The following DAP3 variants were observed in gnomAD, a reference collection of about 807,000 sequenced individuals.
DAP3 encodes the protein small ribosomal subunit protein mS29.
A neutral mutation model predicts 51.9 loss-of-function variants in DAP3; 28 were observed. That is an observed-to-expected ratio of 0.54 (90% CI 0.40 to 0.74). The LOEUF is 0.74. Ranked by LOEUF, DAP3 falls within the 30% of genes least tolerant of loss-of-function variation. DAP3 has a pLI of 0.00. For synonymous variants in DAP3, 170 were observed against 170.3 expected (o/e 1.00, Z 0.01); for missense variants, 458 against 483.5 (o/e 0.95, Z 0.49).
At chr1:155,736,869 A>G in intron 11 of DAP3, 77 bp from the exon 12 acceptor site, 1 of 1,170,368 alleles carries the variant, frequency 8.5e-7, no homozygotes, top group Non-Finnish European at 1.3e-6. Context: ...CTTACCTTCA[A>G]AGTGCTTAAG....
chr1:155,725,958 T>C lies in DAP3; in HGVS notation c.411T>C (p.Ser137=). ...AGAAGGGAACAGGAAAAACCCTAAG[T>C]CTTTGCCATGTTATTCATTTCTGTG... ...YGEKGTGKTL[S]LCHVIHFCAK... is the part of the protein sequence containing the mutation. Residue 137 remains serine, a synonymous_variant, in exon 6 of 13, where the codon AGT becomes AGC. Coordinates refer to ENST00000368336, the MANE Select transcript of DAP3 (RefSeq NM_004632.4). 6.2e-7 allele frequency: 1 copy of C among 1,614,110 alleles called. No homozygotes were observed. The highest frequency in any genetic ancestry group is 8.5e-7 in the Non-Finnish European group (1 of 1,180,000).
At chr1:155,691,121 C>T (rs1035821713) in intron 1 of DAP3, among the ~76,000 whole-genome samples, 1 of 141,480 alleles carries the variant, frequency 7.1e-6, no homozygotes, top group Admixed American at 6.6e-5. Flanking sequence ...GTTAGCCAGG[C>T]TGGTCTCGAT....
intron 4 of DAP3, chr1:155,721,926 C>CAAAAAA: frequency 2.1e-6 from 1 of 484,408 alleles, no homozygotes; most frequent in Non-Finnish European, 3.7e-6. Flanking sequence ...TGCACAAAAG[C>CAAAAAA]AAAATCATAG....
chr1:155,703,218 A>AATTT (rs1655529220), intron 1 of DAP3, among the ~76,000 whole-genome samples: 1 of 152,168 alleles, frequency 6.6e-6, no homozygotes, highest in African/African-American at 2.4e-5. Flanking sequence ...AAGACTGCGT[A>AATTT]ATTTATTAAG....
intron 1 of DAP3, among the ~76,000 whole-genome samples, chr1:155,691,960 A>T (rs1343918069): frequency 7.1e-6 from 1 of 141,668 alleles, no homozygotes; most frequent in Non-Finnish European, 1.5e-5. Flanking sequence ...AGGCTGCAAA[A>T]GGCCCAGAGT....
intron 1 of DAP3, 102 bp downstream of exon 1, chr1:155,689,276 C>T (rs1306761947): frequency 6.1e-6 from 4 of 653,984 alleles, no homozygotes; most frequent in Non-Finnish European, 1.1e-5. Context: ...CGGCGCGCCT[C>T]CGGGGGGGAT....
chr1:155,721,495 T>G (rs769983810), intron 3 of DAP3, 22 bp from the exon 4 acceptor site: 24 of 1,612,762 alleles, frequency 1.5e-5, no homozygotes, highest in Non-Finnish European at 2.0e-5. Flanking sequence ...CCATTATACC[T>G]GTTTGCACTC....
chr1:155,726,724 G>T (rs1658641444), intron 6 of DAP3: 1 of 150,544 alleles, frequency 6.6e-6, no homozygotes, highest in Admixed American at 6.7e-5. Flanking sequence ...GGAGGAGGCT[G>T]CAGTGAGCTG....
At chr1:155,688,746 A>C (rs921914458), upstream of DAP3, 1 of 1,518,142 alleles carries the variant, frequency 6.6e-7, no homozygotes. Flanking sequence ...CCGCCGCCAA[A>C]GCAGCCGCCG....
chr1:155,701,291 G>C (rs1655246925), intron 1 of DAP3, among the ~76,000 whole-genome samples: 2 of 84,416 alleles, frequency 2.4e-5, no homozygotes, highest in Non-Finnish European at 4.2e-5. Flanking sequence ...TGTCTGTGTA[G>C]AAAGAAGTAG....
At chr1:155,724,181 A>C (rs1358326496) in intron 4 of DAP3, among the ~76,000 whole-genome samples, 3 of 152,152 alleles carry the variant, frequency 2.0e-5, no homozygotes, top group African/African-American at 7.2e-5. Context: ...TTCCCACCAA[A>C]GTATTCTGGT....
chr1:155,735,133 A>G (rs1659633795), intron 11 of DAP3, among the ~76,000 whole-genome samples: 1 of 150,538 alleles, frequency 6.6e-6, no homozygotes, highest in Non-Finnish European at 1.5e-5. Context: ...AGAAAAAAAA[A>G]TTAGCCGGGC....
intron 4 of DAP3, among the ~76,000 whole-genome samples, chr1:155,725,094 A>G (rs147189967): frequency 1.2e-3 from 183 of 152,354 alleles, no homozygotes; most frequent in African/African-American, 4.3e-3. Context: ...GTTATGAGAT[A>G]TATCAATTAT....
intron 4 of DAP3, chr1:155,721,982 G>T: frequency 6.3e-6 from 2 of 317,492 alleles, no homozygotes; most frequent in Non-Finnish European, 1.2e-5. Flanking sequence ...TAGATGCATT[G>T]GTTTTTATTC....
chr1:155,728,052 A>C (rs926927354), intron 7 of DAP3, among the ~76,000 whole-genome samples: 24 of 151,938 alleles, frequency 1.6e-4, no homozygotes, highest in African/African-American at 5.8e-4. Flanking sequence ...TCCAGACAAT[A>C]TCTTTTTAGG....
At position 155,702,005 on chromosome 1, in the gene DAP3, CAGA is replaced by C. The variant is rs201995615; in HGVS notation, c.-7-7761_-7-7759del. 9.9e-4 allele frequency among the ~76,000 whole-genome samples: 150 copies of C among 150,842 alleles called. 3 individuals carry two copies. The East Asian group carries it at 0.026, about 26-fold the overall frequency. ...ATCAACCCAAAGAACTGCTTAATTC[CAGA>C]AGAAGATAGAGGAGCACATCTCACC... is the stretch of plus-strand genomic sequence containing the variant. On this transcript the variant is annotated intron_variant, in intron 1 of 12. Coordinates refer to ENST00000368336, the MANE Select transcript of DAP3 (RefSeq NM_004632.4).
intron 1 of DAP3, among the ~76,000 whole-genome samples, chr1:155,707,279 G>C (rs915045090): frequency 8.6e-5 from 13 of 151,536 alleles, no homozygotes; most frequent in African/African-American, 2.9e-4. Context: ...GGGGCGTGGT[G>C]GTGGGCGCCT....
chr1:155,736,410 AGCATT>A (rs1453565318), intron 11 of DAP3, among the ~76,000 whole-genome samples: 4 of 152,052 alleles, frequency 2.6e-5, no homozygotes, highest in African/African-American at 9.7e-5. Context: ...CGCCTCCTCA[AGCATT>A]GCCTTTTTTT....
intron 3 of DAP3, among the ~76,000 whole-genome samples, chr1:155,720,109 G>T (rs571907472): frequency 1.3e-5 from 2 of 151,702 alleles, no homozygotes; most frequent in East Asian, 3.9e-4. Flanking sequence ...GATCACTTGA[G>T]CTCAGGAGTT....
Sources: gnomAD v4.1 joint callset for allele counts (sites outside exome capture counted in the v4.1 genomes callset) on GRCh38, gnomAD v4.1.1 for gene constraint, MANE v1.5 for transcripts, NCBI Gene and HGNC (gene_info 2026-07-23, HGNC 2026-07-21) for gene names.